MACROD2: variants seen among roughly 807,000 people sequenced by gnomAD.
MACROD2 encodes the protein ADP-ribose glycohydrolase MACROD2.
MACROD2 carries 36 observed loss-of-function variants against 70.4 expected under a neutral mutation model. The ratio of observed to expected loss-of-function variants is 0.51; its 90% CI spans 0.39 to 0.68. The LOEUF is 0.68. Among genes scored for constraint, MACROD2 ranks in the 30% least tolerant of loss-of-function variants. The pLI, the probability that MACROD2 is intolerant of heterozygous loss-of-function variation, is 0.00. For missense variants in MACROD2, 496 were observed against 538.4 expected (o/e 0.92, Z 0.78); for synonymous variants, 172 against 178.8 (o/e 0.96, Z 0.30).
chr20:15,445,228 T>C (rs1214613812), intron 7 of MACROD2, among the ~76,000 whole-genome samples: 1 of 152,192 alleles, frequency 6.6e-6, no homozygotes, highest in African/African-American at 2.4e-5. Context: ...TCCAGGTGTC[T>C]CATCTCAGCC....
chr20:15,801,047 A>G (rs926091734), intron 8 of MACROD2, among the ~76,000 whole-genome samples: 4 of 150,248 alleles, frequency 2.7e-5, no homozygotes, highest in Non-Finnish European at 2.9e-5. Context: ...GGACACAAAC[A>G]CTGCGGAAGT....
At position 14,698,269 on chromosome 20, in the gene MACROD2, C is replaced by T. The variant is rs929987549; in HGVS notation, c.418+13310C>T. Among the ~76,000 whole-genome samples the T allele has an allele frequency of 2.3e-4, 35 of 152,164 alleles. 1 individual carries two copies. The highest frequency in any genetic ancestry group is 2.0e-3 in the Admixed American group (30 of 15,278). Reference sequence around the variant, plus strand: ...GCCACACTGTCTAAATGGTTAATAACATGGACTTTGAAGCCCAACATTCTA... The same window carrying T: ...GCCACACTGTCTAAATGGTTAATAATATGGACTTTGAAGCCCAACATTCTA... On this transcript the variant is annotated intron_variant, in intron 5 of 17. Transcript: ENST00000684519.
At chr20:15,030,058 T>A (rs2075262631) in intron 5 of MACROD2, among the ~76,000 whole-genome samples, 1 of 139,222 alleles carries the variant, frequency 7.2e-6, no homozygotes, top group Non-Finnish European at 1.5e-5. Context: ...TCCAGCCTGG[T>A]GACAGAGCAA....
chr20:15,401,355 G>T (rs2045928410), intron 6 of MACROD2, among the ~76,000 whole-genome samples: 1 of 152,090 alleles, frequency 6.6e-6, no homozygotes, highest in African/African-American at 2.4e-5. Context: ...TCTTAAGAAA[G>T]GAAAGAATAC....
chr20:15,790,644 C>G (rs1341217250), intron 8 of MACROD2, among the ~76,000 whole-genome samples: 2 of 151,812 alleles, frequency 1.3e-5, no homozygotes, highest in African/African-American at 2.4e-5. Flanking sequence ...GGAGGAGCCC[C>G]TGCTCACAGA....
intron 4 of MACROD2, among the ~76,000 whole-genome samples, chr20:14,560,061 G>C (rs932517058): frequency 6.6e-6 from 1 of 151,698 alleles, no homozygotes; most frequent in Admixed American, 6.6e-5. Context: ...CTACTGCTTA[G>C]TTCTTAATAG....
chr20:15,274,707 A>G (rs2146075327), intron 6 of MACROD2, among the ~76,000 whole-genome samples: 1 of 152,362 alleles, frequency 6.6e-6, no homozygotes, highest in African/African-American at 2.4e-5. Flanking sequence ...TAAAATAAGT[A>G]AAGCAGACAC....
chr20:14,685,169 A>G lies in MACROD2; in HGVS notation c.418+210A>G, dbSNP rs1350218130. Reference sequence around the variant, plus strand: ...AATATACATATACTGTGTATATTATATATATATATGTATATACACACATAT... The same window carrying G: ...AATATACATATACTGTGTATATTATGTATATATATGTATATACACACATAT... On this transcript the variant is annotated intron_variant, in intron 5 of 17. Transcript: ENST00000684519. 1.9e-5 allele frequency: 4 copies of G among 209,430 alleles called. No individual in the cohort carries two copies. In the East Asian group the frequency reaches 4.3e-4, roughly 23 times the overall value. 13.0% of individuals were successfully genotyped at this position (209,430 alleles called of 1,614,324 possible). A position where few individuals can be genotyped will look rare whatever the true frequency, so the allele number is the denominator to read the frequency against.
rs201536910 is a variant in MACROD2 at position 15,106,126 on chromosome 20, G to A, written c.419-123814G>A. ...CAATATATAATATGCTTTTTAAAGT[G>A]CCATAGTCTGTATTTGAACTCAGGT... On this transcript the variant is annotated intron_variant, in intron 5 of 17. Coordinates refer to ENST00000684519, the MANE Select transcript of MACROD2 (RefSeq NM_001351661.2). Among the ~76,000 whole-genome samples, 7 of 152,186 alleles carry A rather than the reference G, an allele frequency of 4.6e-5. No homozygotes were observed. In the East Asian group the frequency reaches 1.2e-3, roughly 25 times the overall value.
chr20:14,053,397 G>A (rs959459302), intron 2 of MACROD2: 1 of 152,024 alleles, frequency 6.6e-6, no homozygotes, highest in African/African-American at 2.4e-5. Context: ...TTTTAATGTG[G>A]AAAAACAGCT....
intron 5 of MACROD2, chr20:14,849,886 A>C (rs2073180970): frequency 2.1e-6 from 1 of 485,050 alleles, no homozygotes; most frequent in Non-Finnish European, 4.1e-6. Flanking sequence ...TTACTCTGGC[A>C]TTTGTGTTTC....
At chr20:15,534,078 T>C (rs1340235226) in intron 8 of MACROD2, among the ~76,000 whole-genome samples, 5 of 152,110 alleles carry the variant, frequency 3.3e-5, no homozygotes. Context: ...GAATAATGGG[T>C]AGGATTCAAA....
intron 5 of MACROD2, among the ~76,000 whole-genome samples, chr20:14,836,667 A>G (rs1420286960): frequency 6.6e-6 from 1 of 152,068 alleles, no homozygotes; most frequent in African/African-American, 2.4e-5. Flanking sequence ...ATGACTAGAT[A>G]AATCCTTCCC....
intron 8 of MACROD2, among the ~76,000 whole-genome samples, chr20:15,576,043 C>A (rs380997): frequency 6.6e-6 from 1 of 152,122 alleles, no homozygotes; most frequent in Non-Finnish European, 1.5e-5. Flanking sequence ...TTCTTAAGCA[C>A]CTGCCATACG....
At chr20:14,658,606 TTTTG>T (rs777192037) in intron 4 of MACROD2, among the ~76,000 whole-genome samples, 18 of 152,086 alleles carry the variant, frequency 1.2e-4, no homozygotes, top group Admixed American at 7.9e-4. Context: ...AATTTATGTA[TTTTG>T]TTTGTTTGTT....
intron 10 of MACROD2, among the ~76,000 whole-genome samples, chr20:15,919,811 C>G (rs760652089): frequency 7.9e-5 from 12 of 151,710 alleles, no homozygotes; most frequent in Admixed American, 5.9e-4. Flanking sequence ...TGCCCTGTTA[C>G]AGGGAAAAGA....
rs77581665 is a variant in MACROD2, at chr20:15,314,320, G to A, written c.540+84259G>A. Among the ~76,000 whole-genome samples the A allele has an allele frequency of 5.1e-3, 779 of 152,286 alleles. 4 individuals are homozygous for A. The highest frequency in any genetic ancestry group is 0.017 in the African/African-American group (716 of 41,566). On this transcript the variant is annotated intron_variant, in intron 6 of 17. Transcript: ENST00000684519. ...CTTTAAAAATGAGCGGACAGGCACA[G>A]TGGCTCATGCCTGTAATCTCGGCAC...
chr20:14,235,676 CGTG>C (rs1165014887), intron 3 of MACROD2, among the ~76,000 whole-genome samples: 4 of 152,172 alleles, frequency 2.6e-5, no homozygotes, highest in African/African-American at 9.7e-5. Context: ...AGTTGCATAA[CGTG>C]GTCTGTGTAG....
At chr20:15,733,530 G>A (rs1365263008) in intron 8 of MACROD2, among the ~76,000 whole-genome samples, 2 of 151,886 alleles carry the variant, frequency 1.3e-5, no homozygotes, top group South Asian at 4.2e-4. Flanking sequence ...CTGCTTTTAT[G>A]GCATCATAAA....
Sources: allele counts gnomAD v4.1 joint callset (sites outside exome capture counted in the v4.1 genomes callset), GRCh38; gene constraint gnomAD v4.1.1; transcripts MANE v1.5; gene names NCBI Gene and HGNC (gene_info 2026-07-23, HGNC 2026-07-21).